The following SYTL2 variants were observed in gnomAD, a reference collection of about 807,000 sequenced individuals.
SYTL2 encodes the protein synaptotagmin like 2.
In SYTL2, 165 loss-of-function variants were observed where a neutral mutation model predicts 198.7. The observed-to-expected ratio is 0.83, with a 90% CI of 0.73 to 0.94. The LOEUF (loss-of-function observed/expected upper bound fraction) is 0.94, where lower values mean the gene tolerates loss of function less well. Among genes scored for constraint, SYTL2 ranks in the 40% least tolerant of loss-of-function variants. The probability of loss-of-function intolerance (pLI) is 0.00; values close to 1 mark genes in which losing one functional copy is unlikely to be tolerated. For synonymous variants in SYTL2, 966 were observed against 917.7 expected, an observed-to-expected ratio of 1.05 and a Z score of -0.95; for missense variants, 2,835 against 2,582.8, an observed-to-expected ratio of 1.10 and a Z score of -2.12.
Position 85,724,373 on chromosome 11 carries a change from G to C in SYTL2, c.4985C>G (p.Pro1662Arg), listed in dbSNP as rs2088821454. The C allele has an allele frequency of 1.9e-6, 3 of 1,592,952 alleles. No individual in the cohort carries two copies. Among genetic ancestry groups the C allele is most frequent in the Non-Finnish European group, 2.6e-6 (3 of 1,171,158 alleles). ...FCGSRSGVEI[P>R]RTPQLYVAHE... Reference sequence around the variant, plus strand: ...AGCCACATAAAGTTGTGGGGTTCTAGGGATCTCAACTCCACTTCTGGAACC... The same window carrying C: ...AGCCACATAAAGTTGTGGGGTTCTACGGATCTCAACTCCACTTCTGGAACC... Residue 1662 changes from proline to arginine, a missense_variant, in exon 8 of 20, where the codon CCT becomes CGT. Pro to Arg is a moderately radical substitution (Grantham distance 103). This residue lies in a region of SYTL2 where 2,645 missense variants were observed against 2,381.7 expected (regional missense o/e 1.11). Transcript: ENST00000359152.
At chr11:85,736,476 T>A in intron 6 of SYTL2, 25 bp downstream of exon 6, 1 of 1,251,976 alleles carries the variant, frequency 8.0e-7, no homozygotes, top group Non-Finnish European at 1.1e-6. Context: ...GATAAAAAAA[T>A]CAAGTTCATA....
chr11:85,739,570 T>C (rs1356609759), intron 4 of SYTL2, among the ~76,000 whole-genome samples: 1 of 152,166 alleles, frequency 6.6e-6, no homozygotes, highest in Non-Finnish European at 1.5e-5. Context: ...TACTTCCTAG[T>C]AGCTTTGTTT....
rs763775250 is a variant in SYTL2, at chr11:85,704,906, C to T, written c.6141G>A (p.Trp2047Ter). 6 of 1,613,612 alleles carry T rather than the reference C, an allele frequency of 3.7e-6. No individual in the cohort carries two copies. In the South Asian group the frequency reaches 5.5e-5, roughly 15 times the overall value. The change falls in exon 16 of 20, where the codon TGG becomes TGA. Residue 2047 changes from tryptophan (W) to a stop codon, truncating the protein, a stop_gained. Coordinates refer to ENST00000359152, the MANE Select transcript of SYTL2 (RefSeq NM_206927.4). LOFTEE classifies it high-confidence loss of function. ...EVELDLETWD[W>*]DNKQNKQLRW... is the part of the protein sequence containing the mutation. ...TCAATTGTTTATTCTGTTTGTTATC[C>T]CAGTCCCATGTTTCCAAATCAAGTT...
chr11:85,732,269 T>G (rs920406519), intron 7 of SYTL2, among the ~76,000 whole-genome samples: 1 of 152,116 alleles, frequency 6.6e-6, no homozygotes. Flanking sequence ...TATAAATCAT[T>G]CTACTACAAA....
At chr11:85,834,220 A>G in the SYTL2 span, among the ~76,000 whole-genome samples, 1 of 152,218 alleles carries the variant, frequency 6.6e-6, no homozygotes, top group Non-Finnish European at 1.5e-5. Flanking sequence ...AAAAAGAACA[A>G]AATGGGACTA....
At chr11:85,720,997 CAAA>C (rs199548160) in intron 8 of SYTL2, 38 bp from the exon 9 acceptor site, 217 of 917,730 alleles carry the variant, frequency 2.4e-4, no homozygotes, top group South Asian at 4.1e-4. Flanking sequence ...TGCACAATAC[CAAA>C]AAAAAAAAAA....
In SYTL2 at chr11:85,704,960, A is replaced by G. The variant is rs1046122132; in HGVS notation, c.6087T>C (p.Phe2029=). The G allele has an allele frequency of 1.2e-6, 2 of 1,613,592 alleles. No homozygotes were observed. Among genetic ancestry groups the G allele is most frequent in the East Asian group, 2.2e-5 (1 of 44,874 alleles). Residue 2029 remains phenylalanine, a synonymous_variant, in exon 16 of 20, where the codon TTT becomes TTC. Transcript: ENST00000359152. The part of the protein sequence containing the change: ...LNLSIWHRDT[F]KRNSFLGEVE... ...CCTCCCCTAGGAAACTATTGCGCTT[A>G]AATGTATCCCGATGCCAAATGGACA...
In SYTL2 at chr11:85,700,559, C is replaced by T. The variant is rs2084127280; in HGVS notation, c.6224G>A (p.Gly2075Asp). 1.2e-6 allele frequency: 2 copies of T among 1,613,994 alleles called. No individual in the cohort carries two copies. Among genetic ancestry groups the T allele is most frequent in the Non-Finnish European group, 1.7e-6 (2 of 1,179,922 alleles). Residue 2075 changes from glycine to aspartate, a missense_variant, in exon 17 of 20, where the codon GGT becomes GAT. Gly to Asp is a moderately conservative substitution (Grantham distance 94, BLOSUM62 -1). Transcript: ENST00000359152. ...APVALEAENR[G>D]EMKLALQYVP... Reference sequence around the variant, plus strand: ...ATACTGGAGAGCTAGTTTCATTTCACCTCTGTTTTCTGCTTCAAGGGCAAC... The same window carrying T: ...ATACTGGAGAGCTAGTTTCATTTCATCTCTGTTTTCTGCTTCAAGGGCAAC...
chr11:85,725,305 T>G lies in SYTL2; in HGVS notation c.4053A>C (p.Glu1351Asp). 1 of 1,614,088 alleles carries G rather than the reference T, an allele frequency of 6.2e-7. No individual in the cohort carries two copies. The highest frequency in any genetic ancestry group is 1.1e-5 in the South Asian group (1 of 91,070). ...PQARVHPSQT[E>D]ISETVEKVIL... Reference sequence around the variant, plus strand: ...TGACTTTCTCTACAGTCTCCGAAATTTCCGTTTGAGAAGGGTGTACCCTAG... The same window carrying G: ...TGACTTTCTCTACAGTCTCCGAAATGTCCGTTTGAGAAGGGTGTACCCTAG... Residue 1351 changes from glutamate to aspartate, a missense_variant, in exon 8 of 20, where the codon GAA (glutamate) becomes GAC (aspartate). This residue lies in a region of SYTL2 where 2,645 missense variants were observed against 2,381.7 expected (regional missense o/e 1.11). Transcript: ENST00000359152.
At chr11:85,719,067 G>A in intron 9 of SYTL2, 1 of 1,509,078 alleles carries the variant, frequency 6.6e-7, no homozygotes, top group Admixed American at 2.0e-5. Flanking sequence ...TCACATCACT[G>A]CTGCACACAG....
At chr11:85,700,054 T>C (rs1021009208) in intron 17 of SYTL2, among the ~76,000 whole-genome samples, 1 of 151,948 alleles carries the variant, frequency 6.6e-6, no homozygotes, top group Non-Finnish European at 1.5e-5. Flanking sequence ...ATTGTGCAGA[T>C]ACAAATTTTT....
At chr11:85,716,784 T>C (rs1219487291) in intron 11 of SYTL2, 1 of 152,148 alleles carries the variant, frequency 6.6e-6, no homozygotes, top group Admixed American at 6.6e-5. Flanking sequence ...GTGTTATTTG[T>C]CCTTAAGATA....
At position 85,697,975 on chromosome 11, in the gene SYTL2, T is replaced by C. The variant is rs1838872142; in HGVS notation, c.6368+4A>G. The C allele has an allele frequency of 1.9e-6, 3 of 1,597,822 alleles. No homozygotes were observed. On this transcript the variant is annotated splice_donor_region_variant and intron_variant, in intron 18 of 19. Coordinates refer to ENST00000359152, the MANE Select transcript of SYTL2 (RefSeq NM_206927.4). Reference sequence around the variant, plus strand: ...GTTGCAGACAGAGTCATCAATACTATTACCATTTAACAAAAGAATTTAGAT... The same window carrying C: ...GTTGCAGACAGAGTCATCAATACTACTACCATTTAACAAAAGAATTTAGAT...
intron 6 of SYTL2, 48 bp downstream of exon 6, chr11:85,736,453 C>T: frequency 1.0e-6 from 1 of 980,526 alleles, no homozygotes; most frequent in Non-Finnish European, 1.5e-6. Context: ...TCCCTTAGTC[C>T]ACAGATAACA....
intron 4 of SYTL2, among the ~76,000 whole-genome samples, chr11:85,738,714 G>A (rs1431118570): frequency 6.6e-6 from 1 of 152,206 alleles, no homozygotes; most frequent in Non-Finnish European, 1.5e-5. Flanking sequence ...CATCCCTATA[G>A]TCGATGCTAT....
chr11:85,736,536 T>C lies in SYTL2; in HGVS notation c.551A>G (p.Asn184Ser), dbSNP rs1591817331. 6.2e-7 allele frequency: 1 copy of C among 1,603,388 alleles called. No individual in the cohort carries two copies. The highest frequency in any genetic ancestry group is 1.1e-5 in the South Asian group (1 of 89,920). ...SQQTKNEQSK[N>S]GRTGLFQTSK... ...AGTCTGAAATAAACCAGTTCTTCCA[T>C]TTTTTGACTGTTCATTTTTAGTTTG... is the stretch of plus-strand genomic sequence containing the variant. Residue 184 changes from asparagine (N) to serine (S), a missense_variant, in exon 6 of 20, where the codon AAT becomes AGT. By Grantham distance (46) the Asn-to-Ser change is conservative. Coordinates refer to ENST00000359152, the MANE Select transcript of SYTL2 (RefSeq NM_206927.4).
At chr11:85,708,082 G>A (rs1344130767) in intron 14 of SYTL2, 1 of 420,124 alleles carries the variant, frequency 2.4e-6, no homozygotes, top group Non-Finnish European at 4.7e-6. Context: ...AGAATCGCTT[G>A]AACCCGGGAG....
chr11:85,789,368 ATATAT>A (rs1566026273), intron 1 of SYTL2, among the ~76,000 whole-genome samples: 37 of 52,368 alleles, frequency 7.1e-4, no homozygotes, highest in African/African-American at 2.5e-3. Flanking sequence ...ATATATATAT[ATATAT>A]ATATGTATAT....
At chr11:85,836,298 C>G in the SYTL2 span, among the ~76,000 whole-genome samples, 1 of 151,896 alleles carries the variant, frequency 6.6e-6, no homozygotes, top group African/African-American at 2.4e-5. Context: ...CTGATGTCTC[C>G]TTTCCAATTC....
Sources: gnomAD v4.1 joint callset for allele counts (sites outside exome capture counted in the v4.1 genomes callset) on GRCh38, gnomAD v4.1.1 for gene constraint, gnomAD v4.1.1 regional missense constraint, MANE v1.5 for transcripts, NCBI Gene and HGNC (gene_info 2026-07-23, HGNC 2026-07-21) for gene names.